ADAMTS9: variants seen among roughly 807,000 people sequenced by gnomAD.
ADAMTS9 encodes the protein ADAM metallopeptidase with thrombospondin type 1 motif 9.
ADAMTS9 carries 107 observed loss-of-function variants against 257.1 expected under a neutral mutation model. The observed-to-expected ratio is 0.42, with a 90% CI of 0.36 to 0.49. The LOEUF is 0.49. ADAMTS9 is among the 20% of genes least tolerant of loss of function. The pLI, the probability that ADAMTS9 is intolerant of heterozygous loss-of-function variation, is 0.03. For missense variants in ADAMTS9, 2,353 were observed against 2,469.1 expected (o/e 0.95, Z 1.00); for synonymous variants, 982 against 880.9 (o/e 1.11, Z -2.03).
intron 3 of ADAMTS9, among the ~76,000 whole-genome samples, chr3:64,660,712 C>T (rs1701201191): frequency 6.6e-6 from 1 of 152,096 alleles, no homozygotes; most frequent in Non-Finnish European, 1.5e-5. Context: ...TAATGACAGC[C>T]TCACAGTGCA....
chr3:64,522,325 T>G, intron 38 of ADAMTS9, 65 bp from the exon 39 acceptor site: 2 of 1,466,600 alleles, frequency 1.4e-6, no homozygotes, highest in Non-Finnish European at 1.9e-6. Context: ...TGCACTGGCT[T>G]TTTGGGAAAA....
At position 64,602,018 on chromosome 3, in the gene ADAMTS9, G is replaced by A. The variant is rs565531401; in HGVS notation, c.3943C>T (p.Arg1315Cys). ...CGGCTGGGGCTGGCGCTCCGGGGAC[G>A]ATAGTCCTCATTTTGGAAGGGGTGC... Reference protein sequence around the residue: ...AQHPFQNEDYRPRSASPSRTH... With the variant: ...AQHPFQNEDYCPRSASPSRTH... The change falls in exon 26 of 40, where the codon CGT (arginine) becomes TGT (cysteine). Residue 1315 changes from arginine to cysteine, a missense_variant. This residue lies in a region of ADAMTS9 where 1,402 missense variants were observed against 1,441.4 expected (regional missense o/e 0.97). Coordinates refer to ENST00000498707, the MANE Select transcript of ADAMTS9 (RefSeq NM_182920.2). 6 of 1,614,004 alleles carry A rather than the reference G, an allele frequency of 3.7e-6. No homozygotes were observed. The highest frequency in any genetic ancestry group is 1.7e-5 in the Admixed American group (1 of 60,004).
In ADAMTS9 at chr3:64,596,454, T is replaced by C. The variant is rs2084365311; in HGVS notation, c.4179+376A>G. 2.0e-5 allele frequency among the ~76,000 whole-genome samples: 3 copies of C among 152,142 alleles called. 1 individual carries two copies. The South Asian group carries it at 6.2e-4, about 32-fold the overall frequency. The stretch of plus-strand genomic sequence containing the variant: ...TGGAATGTTGGGAGACATTATGCCA[T>C]GGGAACAGGGCATAACACAAACACC... On this transcript the variant is annotated intron_variant, in intron 27 of 39. Coordinates refer to ENST00000498707, the MANE Select transcript of ADAMTS9 (RefSeq NM_182920.2).
At chr3:64,536,170 A>G (rs1485126238) in intron 37 of ADAMTS9, among the ~76,000 whole-genome samples, 2 of 152,194 alleles carry the variant, frequency 1.3e-5, no homozygotes, top group Non-Finnish European at 2.9e-5. Flanking sequence ...TGATGAACCC[A>G]GATGCAACAG....
chr3:64,573,914 G>A (rs1381436425), intron 28 of ADAMTS9, among the ~76,000 whole-genome samples: 3 of 152,192 alleles, frequency 2.0e-5, no homozygotes, highest in African/African-American at 7.2e-5. Context: ...TCAGTGGAAG[G>A]CCTGGAAAAC....
Position 64,654,406 on chromosome 3 carries a change from A to G in ADAMTS9, c.1263T>C (p.Ser421=). 1.2e-6 allele frequency: 2 copies of G among 1,614,144 alleles called. No individual in the cohort carries two copies. The highest frequency in any genetic ancestry group is 1.7e-6 in the Non-Finnish European group (2 of 1,180,018). The change falls in exon 8 of 40, where the codon AGT becomes AGC. Residue 421 remains serine, a synonymous_variant. Coordinates refer to ENST00000498707, the MANE Select transcript of ADAMTS9 (RefSeq NM_182920.2). ...ICDPYRSCSI[S]EDSGLSTAFT... ...AAGCTGTACTCAATCCACTATCTTC[A>G]CTAATAGAACAGCTTCTATAGGGAT...
At chr3:64,616,642 A>G (rs1287103723) in intron 19 of ADAMTS9, among the ~76,000 whole-genome samples, 1 of 152,208 alleles carries the variant, frequency 6.6e-6, no homozygotes, top group East Asian at 1.9e-4. Context: ...ATGGGGGGAC[A>G]CAGTAGGTAT....
At chr3:64,645,020 GAA>G (rs996849423) in intron 11 of ADAMTS9, among the ~76,000 whole-genome samples, 1 of 152,220 alleles carries the variant, frequency 6.6e-6, no homozygotes, top group African/African-American at 2.4e-5. Flanking sequence ...AGAGGAATAT[GAA>G]AAGTGTCTGA....
chr3:64,564,959 G>A (rs1196810305), intron 29 of ADAMTS9, among the ~76,000 whole-genome samples: 1 of 152,176 alleles, frequency 6.6e-6, no homozygotes, highest in Non-Finnish European at 1.5e-5. Flanking sequence ...TAGCTACTGC[G>A]AATGTGCGTT....
chr3:64,574,354 T>C (rs1355458379), intron 28 of ADAMTS9, among the ~76,000 whole-genome samples: 1 of 151,888 alleles, frequency 6.6e-6, no homozygotes, highest in Non-Finnish European at 1.5e-5. Context: ...TTTGTATCGA[T>C]AAGGAGACTG....
chr3:64,687,595 C>G lies in ADAMTS9; in HGVS notation c.63G>C (p.Gly21=). The change falls in exon 1 of 40, where the codon GGG becomes GGC. Residue 21 remains glycine (G), a synonymous_variant. Transcript: ENST00000498707. The surrounding 1 kb of genome is among the most constrained non-coding windows in gnomAD (Gnocchi z 4.4). The stretch of plus-strand genomic sequence containing the variant: ...GCACGGCCGCCGCGGCGTCTGGGCT[C>G]CCCATCTCGGCCAGGTCCCGCACCA... The part of the protein sequence containing the change: ...TLLVRDLAEM[G]SPDAAAAVRK... 6.3e-7 allele frequency: 1 copy of G among 1,582,950 alleles called. No individual in the cohort carries two copies. Among genetic ancestry groups the G allele is most frequent in the Non-Finnish European group, 8.6e-7 (1 of 1,165,978 alleles).
intron 39 of ADAMTS9, among the ~76,000 whole-genome samples, chr3:64,520,258 A>G (rs936280587): frequency 6.6e-6 from 1 of 152,188 alleles, no homozygotes; most frequent in African/African-American, 2.4e-5. Flanking sequence ...GAGCTCTACA[A>G]GGAGAATTAT....
chr3:64,546,917 C>T lies in ADAMTS9; in HGVS notation c.4905G>A (p.Arg1635=), dbSNP rs765056935. 6.7e-5 allele frequency: 108 copies of T among 1,612,250 alleles called. No individual in the cohort carries two copies. The highest frequency in any genetic ancestry group is 8.9e-5 in the Non-Finnish European group (105 of 1,179,200). The change falls in exon 32 of 40, where the codon AGG becomes AGA. Residue 1635 remains arginine (R), a synonymous_variant. Coordinates refer to ENST00000498707, the MANE Select transcript of ADAMTS9 (RefSeq NM_182920.2). The part of the protein sequence containing the change: ...SVTCGKGYKQ[R]LVSCSEIYTG... ...TGTAAATCTCGCTGCACGAGACAAGCCTTTGTTTGTAGCCTTTTCCACAGG... is the reference window on the plus strand; with the variant it reads ...TGTAAATCTCGCTGCACGAGACAAGTCTTTGTTTGTAGCCTTTTCCACAGG...
At chr3:64,546,112 AT>A (rs1009005598) in intron 32 of ADAMTS9, among the ~76,000 whole-genome samples, 3 of 152,302 alleles carry the variant, frequency 2.0e-5, no homozygotes, top group Admixed American at 1.3e-4. Context: ...GATTTTAAGC[AT>A]TTTTTTAAAA....
chr3:64,518,764 ATTTTTTTTT>A (rs61286740), intron 39 of ADAMTS9, among the ~76,000 whole-genome samples: 2 of 65,292 alleles, frequency 3.1e-5, no homozygotes, highest in African/African-American at 9.9e-5. Context: ...TTACCTTTTC[ATTTTTTTTT>A]TTTTTTTTTT....
chr3:64,686,889 C>T lies in ADAMTS9; in HGVS notation c.195G>A (p.Thr65=), dbSNP rs764089676. 17 of 1,614,102 alleles carry T rather than the reference C, an allele frequency of 1.1e-5. No individual in the cohort carries two copies. The South Asian group carries it at 1.8e-4, about 17-fold the overall frequency. ...GTCGCGTTCTTTTGAAGTGGACGTT[C>T]GTGGGAAAGGGTTCTCCGAGAGCGT... The part of the protein sequence containing the change: ...RVNALGEPFP[T]NVHFKRTRRS... The change falls in exon 2 of 40, where the codon ACG becomes ACA. Residue 65 remains threonine, a synonymous_variant. Coordinates refer to ENST00000498707, the MANE Select transcript of ADAMTS9 (RefSeq NM_182920.2). This position sits in a 1 kb window ranked among gnomAD's most constrained non-coding sequence, Gnocchi z 4.6.
At position 64,651,170 on chromosome 3, in the gene ADAMTS9, C is replaced by A; in HGVS notation, c.1317-7G>T. On this transcript the variant is annotated splice_region_variant and splice_polypyrimidine_tract_variant and intron_variant, in intron 8 of 39. Transcript: ENST00000498707. ...ATCATGAGGCATGTTAAACCTAAAG[C>A]CAATGAGACAATGATGAGAATGTCA... The A allele has an allele frequency of 6.4e-7, 1 of 1,561,984 alleles. No homozygotes were observed. The highest frequency in any genetic ancestry group is 8.6e-7 in the Non-Finnish European group (1 of 1,161,258).
intron 28 of ADAMTS9, among the ~76,000 whole-genome samples, chr3:64,593,463 G>A (rs574475750): frequency 4.6e-5 from 7 of 152,188 alleles, no homozygotes; most frequent in South Asian, 2.1e-4. Flanking sequence ...CAGCCCTAAC[G>A]GCTCCACAGC....
intron 29 of ADAMTS9, among the ~76,000 whole-genome samples, chr3:64,564,567 G>A (rs2083492358): frequency 6.6e-6 from 1 of 151,970 alleles, no homozygotes; most frequent in South Asian, 2.1e-4. Flanking sequence ...CTAGCATACA[G>A]TATATGCTAG....
Sources: gnomAD v4.1 joint callset for allele counts (sites outside exome capture counted in the v4.1 genomes callset) on GRCh38, gnomAD v4.1.1 for gene constraint, gnomAD v4.1.1 regional missense constraint, Gnocchi (gnomAD v3.1) non-coding constraint, MANE v1.5 for transcripts, NCBI Gene and HGNC (gene_info 2026-07-23, HGNC 2026-07-21) for gene names.